MED13L: variants seen among roughly 807,000 people sequenced by gnomAD.
The protein encoded by MED13L is mediator of RNA polymerase II transcription subunit 13-like.
Under a neutral mutation model 220.9 loss-of-function variants are expected in MED13L, and 7 were observed. The observed-to-expected ratio is 0.03, with a 90% CI of 0.02 to 0.06. The LOEUF (loss-of-function observed/expected upper bound fraction) is 0.06. Ranked by LOEUF, MED13L falls within the 10% of genes least tolerant of loss-of-function variation. The pLI is 1.00. For synonymous variants in MED13L, 1,011 were observed against 1,015.2 expected (o/e 1.00, Z 0.08); for missense variants, 1,965 against 2,760.5 (o/e 0.71, Z 6.46).
chr12:116,095,223 C>T (rs560311148), intron 4 of MED13L, among the ~76,000 whole-genome samples: 2 of 152,076 alleles, frequency 1.3e-5, no homozygotes, highest in East Asian at 1.9e-4. Flanking sequence ...TTAGTTAAGC[C>T]GAATCTATAC....
chr12:116,040,867 G>C (rs910202173), intron 4 of MED13L, among the ~76,000 whole-genome samples: 12 of 151,860 alleles, frequency 7.9e-5, no homozygotes, highest in African/African-American at 2.4e-4. Flanking sequence ...GGCAAATCAA[G>C]CAAAAGTACT....
chr12:116,027,655 C>T (rs146603412), intron 4 of MED13L, among the ~76,000 whole-genome samples: 207 of 152,224 alleles, frequency 1.4e-3, no homozygotes, highest in African/African-American at 4.8e-3. Context: ...TAGAGAAATC[C>T]GCGGTGCTTC....
chr12:115,963,629 A>AG (rs1875927349), intron 29 of MED13L, 110 bp from the exon 30 acceptor site: 6 of 809,242 alleles, frequency 7.4e-6, no homozygotes, highest in Non-Finnish European at 1.3e-5. Context: ...CGTAGAAGTC[A>AG]GGGTTTCTGT....
At chr12:116,031,756 A>G (rs201717433) in intron 4 of MED13L, among the ~76,000 whole-genome samples, 7,362 of 20,542 alleles carry the variant, frequency 0.36, 942 homozygotes, top group East Asian at 0.41. Context: ...AAAAGAAAAG[A>G]AAAGAAGGAA....
chr12:116,263,315 A>G (rs1872629180), intron 1 of MED13L, among the ~76,000 whole-genome samples: 1 of 152,186 alleles, frequency 6.6e-6, no homozygotes, highest in Non-Finnish European at 1.5e-5. Context: ...TAATCTGAAG[A>G]CCAAAAAAAG....
chr12:116,219,804 GT>G lies in MED13L; in HGVS notation c.310+17663del, dbSNP rs537362490. Reference sequence around the variant, plus strand: ...ACTGCCAGTTTTTTTGTTTTATTTTGTTTTGTTTCTTGAGACAGAGTCTCGC... The same window carrying G: ...ACTGCCAGTTTTTTTGTTTTATTTTGTTTGTTTCTTGAGACAGAGTCTCGC... On this transcript the variant is annotated intron_variant, in intron 2 of 30. Transcript: ENST00000281928. Among the ~76,000 whole-genome samples, 719 of 152,110 alleles carry G rather than the reference GT, an allele frequency of 4.7e-3. 4 individuals are homozygous for G. Among genetic ancestry groups the G allele is most frequent in the African/African-American group, 0.017 (695 of 41,504 alleles).
intron 4 of MED13L, among the ~76,000 whole-genome samples, chr12:116,034,173 G>A (rs746441383): frequency 2.0e-5 from 3 of 151,960 alleles, no homozygotes; most frequent in Non-Finnish European, 4.4e-5. Context: ...ACAGCACTTC[G>A]ATTTTTATAA....
intron 2 of MED13L, among the ~76,000 whole-genome samples, chr12:116,129,011 T>G (rs927105933): frequency 1.7e-4 from 26 of 152,288 alleles, no homozygotes; most frequent in Non-Finnish European, 3.5e-4. Context: ...GTTTTAGTAA[T>G]TTTATATTAT....
At chr12:116,132,123 CA>C (rs1165560346) in intron 2 of MED13L, among the ~76,000 whole-genome samples, 1 of 151,122 alleles carries the variant, frequency 6.6e-6, no homozygotes, top group African/African-American at 2.4e-5. Context: ...TACAAAAGTA[CA>C]AAAAAAATTA....
At chr12:116,122,921 A>G (rs968015251) in intron 2 of MED13L, among the ~76,000 whole-genome samples, 8 of 152,208 alleles carry the variant, frequency 5.3e-5, no homozygotes, top group African/African-American at 1.9e-4. Flanking sequence ...CCTTCAAAAG[A>G]CAACTGCTAC....
At chr12:116,060,504 G>C (rs966703893) in intron 4 of MED13L, among the ~76,000 whole-genome samples, 1 of 151,410 alleles carries the variant, frequency 6.6e-6, no homozygotes. Flanking sequence ...CTTGAACCCA[G>C]GAGGTGGAGG....
chr12:116,149,854 T>C (rs1565901225), intron 2 of MED13L, among the ~76,000 whole-genome samples: 1 of 152,180 alleles, frequency 6.6e-6, no homozygotes, highest in Non-Finnish European at 1.5e-5. Flanking sequence ...TAGCTGGCAA[T>C]AAAAAATGTT....
rs1463264717 is a variant in MED13L, at chr12:116,098,308, G to GA, written c.396-1557dup. On this transcript the variant is annotated intron_variant, in intron 3 of 30. Transcript: ENST00000281928. ...CATAAAAATGTGGGGGGGAAATGGG[G>GA]AAAATGTGCACATTTGGAACTACTG... 7.9e-5 allele frequency among the ~76,000 whole-genome samples: 12 copies of GA among 152,014 alleles called. No homozygotes were observed. In the East Asian group the frequency reaches 1.9e-3, roughly 24 times the overall value.
chr12:116,073,677 C>T (rs1265783107), intron 4 of MED13L, among the ~76,000 whole-genome samples: 1 of 152,202 alleles, frequency 6.6e-6, no homozygotes, highest in Non-Finnish European at 1.5e-5. Flanking sequence ...TAAATAAGTA[C>T]ATGTTCAACC....
chr12:116,107,357 AAAGT>A (rs1176381962), intron 3 of MED13L, among the ~76,000 whole-genome samples: 1 of 152,228 alleles, frequency 6.6e-6, no homozygotes, highest in Non-Finnish European at 1.5e-5. Flanking sequence ...AAAAGTTACA[AAAGT>A]AAGTGAAAGG....
intron 2 of MED13L, among the ~76,000 whole-genome samples, chr12:116,181,666 TA>T (rs1329622301): frequency 6.6e-6 from 1 of 152,068 alleles, no homozygotes; most frequent in Non-Finnish European, 1.5e-5. Context: ...CATGCCCGGC[TA>T]ATTTTTTCTG....
intron 2 of MED13L, among the ~76,000 whole-genome samples, chr12:116,143,431 C>G (rs1877251421): frequency 6.6e-6 from 1 of 151,972 alleles, no homozygotes; most frequent in African/African-American, 2.4e-5. Flanking sequence ...TGAAAGTCTA[C>G]TTAGATCCCA....
At chr12:116,184,138 A>G (rs1880725528) in intron 2 of MED13L, among the ~76,000 whole-genome samples, 1 of 152,200 alleles carries the variant, frequency 6.6e-6, no homozygotes, top group African/African-American at 2.4e-5. Context: ...ACTATTCATT[A>G]GCTACAGAGA....
chr12:116,136,153 G>C (rs567038933), intron 2 of MED13L, among the ~76,000 whole-genome samples: 1 of 151,918 alleles, frequency 6.6e-6, no homozygotes, highest in African/African-American at 2.4e-5. Context: ...CACCTGCCTC[G>C]GCCTTCCAAA....
Sources: allele counts gnomAD v4.1 joint callset (sites outside exome capture counted in the v4.1 genomes callset), GRCh38; gene constraint gnomAD v4.1.1; transcripts MANE v1.5; gene names NCBI Gene and HGNC (gene_info 2026-07-23, HGNC 2026-07-21).